The following CDH18 variants were observed in gnomAD, a reference collection of about 807,000 sequenced individuals.
The protein encoded by CDH18 is cadherin 18.
In CDH18, 31 loss-of-function variants were observed where a neutral mutation model predicts 67.9. The observed-to-expected ratio is 0.46, with a 90% CI of 0.34 to 0.62. CDH18 has a LOEUF of 0.62. CDH18 is among the 20% of genes least tolerant of loss of function. The pLI is 0.01. For synonymous variants in CDH18, 362 were observed against 347.2 expected (o/e 1.04, Z -0.48); for missense variants, 890 against 975.5 (o/e 0.91, Z 1.17).
At chr5:19,906,150 G>C (rs1215433810) in intron 2 of CDH18, among the ~76,000 whole-genome samples, 5 of 151,844 alleles carry the variant, frequency 3.3e-5, no homozygotes, top group Non-Finnish European at 5.9e-5. Context: ...CCCATATCTA[G>C]TGAAAGAGGT....
At chr5:19,861,188 T>C (rs1784855964) in intron 2 of CDH18, among the ~76,000 whole-genome samples, 1 of 152,200 alleles carries the variant, frequency 6.6e-6, no homozygotes, top group Admixed American at 6.6e-5. Context: ...TCAGTAGTAG[T>C]AATTGCCTCC....
At chr5:20,404,215 G>A (rs1430768357) in intron 1 of CDH18, among the ~76,000 whole-genome samples, 3 of 152,178 alleles carry the variant, frequency 2.0e-5, no homozygotes, top group Admixed American at 2.0e-4. Context: ...CTTCTAAGCA[G>A]ACCAGTAAAA....
At chr5:20,174,172 T>A (rs1337977258) in intron 2 of CDH18, among the ~76,000 whole-genome samples, 1 of 152,206 alleles carries the variant, frequency 6.6e-6, no homozygotes, top group Non-Finnish European at 1.5e-5. Context: ...TTCTAATAGA[T>A]TAACAAAATG....
At chr5:20,491,575 G>C (rs553464423) in intron 1 of CDH18, among the ~76,000 whole-genome samples, 1 of 152,214 alleles carries the variant, frequency 6.6e-6, no homozygotes, top group Non-Finnish European at 1.5e-5. Flanking sequence ...AGGTTGTCTG[G>C]CTGGAGACTC....
In CDH18 at chr5:20,026,409, A is replaced by G. The variant is rs539821164; in HGVS notation, c.-517-34395T>C. 9.0e-4 allele frequency among the ~76,000 whole-genome samples: 137 copies of G among 152,364 alleles called. 2 individuals carry two copies. The South Asian group carries it at 9.9e-3, about 11-fold the overall frequency. On this transcript the variant is annotated intron_variant, in intron 2 of 14. Transcript: ENST00000507958. Reference sequence around the variant, plus strand: ...GAGGTTTGCAATTAATACAAGTGCCAAACCTACAAACTTTATTTAGTCAGC... The same window carrying G: ...GAGGTTTGCAATTAATACAAGTGCCGAACCTACAAACTTTATTTAGTCAGC...
chr5:19,974,736 TATAG>T (rs1287708344), intron 2 of CDH18, among the ~76,000 whole-genome samples: 3 of 152,018 alleles, frequency 2.0e-5, no homozygotes, highest in Admixed American at 2.0e-4. Context: ...TACTAGTTCA[TATAG>T]ATTGGTGGAA....
chr5:20,484,678 C>T (rs534363933), intron 1 of CDH18, among the ~76,000 whole-genome samples: 3 of 151,950 alleles, frequency 2.0e-5, no homozygotes, highest in African/African-American at 7.2e-5. Flanking sequence ...ATAAAAGGCA[C>T]AAAAAGACAA....
At chr5:20,250,864 C>T (rs1447987324) in intron 2 of CDH18, among the ~76,000 whole-genome samples, 1 of 152,052 alleles carries the variant, frequency 6.6e-6, no homozygotes, top group Non-Finnish European at 1.5e-5. Context: ...CCTTGGCCTC[C>T]CAAAGTGCTG....
intron 8 of CDH18, among the ~76,000 whole-genome samples, chr5:19,563,936 A>T (rs1303194195): frequency 6.6e-6 from 1 of 152,186 alleles, no homozygotes; most frequent in Non-Finnish European, 1.5e-5. Flanking sequence ...CACAATGATT[A>T]TGAGACTTTG....
intron 2 of CDH18, among the ~76,000 whole-genome samples, chr5:20,211,602 G>A (rs1740361191): frequency 6.6e-6 from 1 of 152,174 alleles, no homozygotes; most frequent in Non-Finnish European, 1.5e-5. Flanking sequence ...CTGTTTTGCA[G>A]CCTCTGCTGG....
chr5:19,594,592 A>T (rs1745870322), intron 6 of CDH18, among the ~76,000 whole-genome samples: 1 of 152,128 alleles, frequency 6.6e-6, no homozygotes, highest in African/African-American at 2.4e-5. Flanking sequence ...CCATTACCAT[A>T]CTATTTTAAT....
At chr5:20,307,907 C>T (rs1053626158) in intron 1 of CDH18, among the ~76,000 whole-genome samples, 1 of 152,000 alleles carries the variant, frequency 6.6e-6, no homozygotes, top group African/African-American at 2.4e-5. Flanking sequence ...TAACCTTAAA[C>T]ATTTATATTT....
chr5:19,532,622 G>T (rs1748811316), intron 9 of CDH18, among the ~76,000 whole-genome samples: 1 of 152,032 alleles, frequency 6.6e-6, no homozygotes, highest in Non-Finnish European at 1.5e-5. Flanking sequence ...ATGACAGCTG[G>T]GTGAATAACA....
rs34692089 is a variant in CDH18, at chr5:19,517,389, C to CT, written c.1512+3267dup. Among the ~76,000 whole-genome samples, 17 of 151,746 alleles carry CT rather than the reference C, an allele frequency of 1.1e-4. No individual in the cohort carries two copies. The East Asian group carries it at 1.6e-3, about 14-fold the overall frequency. ...TATAAGTAGAAAGTCTGTAGTTTGT[C>CT]TTTTTTTTATCATCTTAACAGACTT... On this transcript the variant is annotated intron_variant, in intron 10 of 12. Transcript: ENST00000382275.
At chr5:20,012,051 G>A (rs1267870972) in intron 2 of CDH18, among the ~76,000 whole-genome samples, 7 of 151,928 alleles carry the variant, frequency 4.6e-5, no homozygotes, top group Admixed American at 4.6e-4. Flanking sequence ...GAATTCAGCT[G>A]TCAATCCATC....
intron 3 of CDH18, among the ~76,000 whole-genome samples, chr5:19,806,696 A>G (rs1451590468): frequency 5.9e-5 from 9 of 152,220 alleles, no homozygotes; most frequent in Non-Finnish European, 1.3e-4. Context: ...ATTATGTTAA[A>G]GTAAGCAAAC....
At chr5:20,174,833 T>G (rs1737106572) in intron 2 of CDH18, among the ~76,000 whole-genome samples, 1 of 152,172 alleles carries the variant, frequency 6.6e-6, no homozygotes, top group Non-Finnish European at 1.5e-5. Flanking sequence ...GTGATAAGCT[T>G]AGAGACGGTT....
rs562965990 is a variant in CDH18, at chr5:19,557,181, C to T, written c.1254-13176G>A. Reference sequence around the variant, plus strand: ...TTCTCAAAATACAACAAAATAGAATCTCCTTAAAGCATAAATTTCAAATGA... The same window carrying T: ...TTCTCAAAATACAACAAAATAGAATTTCCTTAAAGCATAAATTTCAAATGA... On this transcript the variant is annotated intron_variant, in intron 8 of 12. Coordinates refer to ENST00000382275, the MANE Select transcript of CDH18 (RefSeq NM_004934.5). 7.9e-5 allele frequency among the ~76,000 whole-genome samples: 12 copies of T among 152,160 alleles called. No individual in the cohort carries two copies. In the South Asian group the frequency reaches 2.5e-3, roughly 31 times the overall value.
intron 5 of CDH18, among the ~76,000 whole-genome samples, chr5:19,695,487 A>C (rs1762425162): frequency 6.6e-6 from 1 of 152,354 alleles, no homozygotes; most frequent in African/African-American, 2.4e-5. Flanking sequence ...TGTAAAATTT[A>C]GAAGGCATTA....
Sources: allele counts gnomAD v4.1 joint callset (sites outside exome capture counted in the v4.1 genomes callset), GRCh38; gene constraint gnomAD v4.1.1; transcripts MANE v1.5; gene names NCBI Gene and HGNC (gene_info 2026-07-23, HGNC 2026-07-21).